The following RTTN variants were observed in gnomAD, a reference collection of about 807,000 sequenced individuals.
RTTN encodes rotatin.
Under a neutral mutation model 269.2 loss-of-function variants are expected in RTTN, and 182 were observed. That is an observed-to-expected ratio of 0.68 (90% CI 0.60 to 0.76). The LOEUF is 0.76. Ranked by LOEUF, RTTN falls within the 30% of genes least tolerant of loss-of-function variation. The probability of loss-of-function intolerance (pLI) is 0.00; values close to 1 mark genes in which losing one functional copy is unlikely to be tolerated. For missense variants in RTTN, 2,545 were observed against 2,608.6 expected, an observed-to-expected ratio of 0.98 and a Z score of 0.53; for synonymous variants, 1,006 against 963.5, an observed-to-expected ratio of 1.04 and a Z score of -0.82.
intron 11 of RTTN, among the ~76,000 whole-genome samples, chr18:70,173,220 C>T (rs116885586): frequency 0.021 from 3,187 of 152,158 alleles, 48 homozygotes; most frequent in Middle Eastern, 0.037. Flanking sequence ...TTGGGCCAGG[C>T]GCGGTGGCTC....
intron 31 of RTTN, among the ~76,000 whole-genome samples, 192 bp from the exon 32 acceptor site, chr18:70,086,876 CTTAGGTAATGACCTTG>C (rs547648403): frequency 3.2e-4 from 49 of 152,118 alleles, no homozygotes; most frequent in Non-Finnish European, 4.4e-4. Context: ...TGATGACCTT[CTTAGGTAATGACCTTG>C]TTAGGTAATG....
rs549377457 is a variant in RTTN, at chr18:70,144,143, G to A, written c.2481+1469C>T. ...ATTACAGGCAAGAGCCACTGTGCCC[G>A]GCCCCTCTCTTCTTAATATACATTT... On this transcript the variant is annotated intron_variant, in intron 18 of 48. Transcript: ENST00000640769. Among the ~76,000 whole-genome samples the A allele has an allele frequency of 1.2e-4, 19 of 152,220 alleles. No homozygotes were observed. In the East Asian group the frequency reaches 1.7e-3, roughly 14 times the overall value.
At position 70,201,907 on chromosome 18, in the gene RTTN, C is replaced by A. The variant is rs370788902; in HGVS notation, c.474G>T (p.Pro158=). 1 of 1,606,796 alleles carries A rather than the reference C, an allele frequency of 6.2e-7. No individual in the cohort carries two copies. Among genetic ancestry groups the A allele is most frequent in the African/African-American group, 1.3e-5 (1 of 74,754 alleles). ...ACATATACACACCCACTGGTCGTGGCGGCACTTCCATCTGCTGGAAATTAC... is the reference window on the plus strand; with the variant it reads ...ACATATACACACCCACTGGTCGTGGAGGCACTTCCATCTGCTGGAAATTAC... ...DKSNFQQMEV[P]PRPVVNQTVK... Residue 158 remains proline, a synonymous_variant, in exon 4 of 49, where the codon CCG becomes CCT. Transcript: ENST00000640769.
chr18:70,199,294 T>A (rs765450959), intron 5 of RTTN, 120 bp downstream of exon 5: 57 of 529,972 alleles, frequency 1.1e-4, no homozygotes, highest in Non-Finnish European at 1.7e-4. Context: ...CATTTAAATA[T>A]GACCATTACT....
At chr18:70,166,619 G>T (rs2060994157) in intron 13 of RTTN, 1 of 227,710 alleles carries the variant, frequency 4.4e-6, no homozygotes, top group Non-Finnish European at 8.4e-6. Flanking sequence ...AAACTTTAAA[G>T]ATAAATAAAC....
chr18:70,172,972 A>AAG (rs761028713), intron 11 of RTTN, among the ~76,000 whole-genome samples: 11 of 152,202 alleles, frequency 7.2e-5, no homozygotes, highest in Non-Finnish European at 1.6e-4. Context: ...TTCCTTTCTT[A>AAG]AGAGACTGGA....
chr18:70,143,806 G>C (rs1038946945), intron 18 of RTTN, among the ~76,000 whole-genome samples: 3 of 151,330 alleles, frequency 2.0e-5, no homozygotes, highest in African/African-American at 7.3e-5. Flanking sequence ...CAGTAGGTCA[G>C]GAAGGAACTT....
At chr18:70,187,037 T>G (rs1175863163) in intron 10 of RTTN, among the ~76,000 whole-genome samples, 1 of 152,182 alleles carries the variant, frequency 6.6e-6, no homozygotes, top group Non-Finnish European at 1.5e-5. Flanking sequence ...AAAAACAGCA[T>G]GCCCACTTAA....
chr18:70,060,382 AC>A lies in RTTN; in HGVS notation c.4748-341del, dbSNP rs757699454. Among the ~76,000 whole-genome samples, 587 of 152,258 alleles carry A rather than the reference AC, an allele frequency of 3.9e-3. 3 individuals are homozygous for A. The highest frequency in any genetic ancestry group is 6.6e-3 in the Non-Finnish European group (449 of 68,030). ...GATGATTTACAATCCTTTTTCTGAA[AC>A]TCGAGGGGCCAAAGGTGTGTCCAAA... On this transcript the variant is annotated intron_variant, in intron 35 of 48. Transcript: ENST00000640769.
chr18:70,166,078 C>G lies in RTTN; in HGVS notation c.1913G>C (p.Cys638Ser), dbSNP rs2145904954. The change falls in exon 14 of 49, where the codon TGT becomes TCT. Residue 638 changes from cysteine (C) to serine (S), a missense_variant. By Grantham distance (112) the Cys-to-Ser change is moderately radical (BLOSUM62 -1). Coordinates refer to ENST00000640769, the MANE Select transcript of RTTN (RefSeq NM_173630.4). ...PRVKAETYHC[C>S]LEITKECLGV... ...AAACCTCACCTTCGTGATTTCCAGA[C>G]AGCAGTGGTAAGTTTCAGCTTTCAC... 6.2e-7 allele frequency: 1 copy of G among 1,613,744 alleles called. No individual in the cohort carries two copies. The highest frequency in any genetic ancestry group is 2.2e-5 in the East Asian group (1 of 44,846).
At chr18:70,101,574 C>T (rs1171204699) in intron 28 of RTTN, among the ~76,000 whole-genome samples, 3 of 152,036 alleles carry the variant, frequency 2.0e-5, no homozygotes, top group Admixed American at 1.3e-4. Flanking sequence ...GTCTGTACCT[C>T]CTTCATTTCT....
At chr18:70,168,330 G>A (rs1294905586) in intron 12 of RTTN, among the ~76,000 whole-genome samples, 1 of 151,910 alleles carries the variant, frequency 6.6e-6, no homozygotes, top group East Asian at 1.9e-4. Flanking sequence ...TTTTAAAAGG[G>A]ATAAATACCG....
At chr18:70,103,924 T>C (rs2059250412) in intron 28 of RTTN, among the ~76,000 whole-genome samples, 1 of 152,200 alleles carries the variant, frequency 6.6e-6, no homozygotes. Flanking sequence ...CTTAATATTT[T>C]TTCTGTCATT....
chr18:70,143,325 G>A (rs2060307248), intron 18 of RTTN, among the ~76,000 whole-genome samples: 2 of 152,002 alleles, frequency 1.3e-5, no homozygotes, highest in African/African-American at 2.4e-5. Flanking sequence ...ATTCACAACA[G>A]CAAACACATG....
rs1392497357 is a variant in RTTN, at chr18:70,196,564, A to C, written c.778T>G (p.Cys260Gly). The C allele has an allele frequency of 1.2e-6, 2 of 1,613,364 alleles. No homozygotes were observed. The highest frequency in any genetic ancestry group is 1.7e-6 in the Non-Finnish European group (2 of 1,179,786). Reference protein sequence around the residue: ...LQSVSCLQQLCMYLRNRLNFH... With the variant: ...LQSVSCLQQLGMYLRNRLNFH... ...TTAAGTCTGTTTCTTAAATACATGC[A>C]CAGCTGCTGCAGGCAGGACACCGAC... Residue 260 changes from cysteine (C) to glycine (G), a missense_variant, in exon 7 of 49, where the codon TGC becomes GGC. Cys to Gly is a radical substitution (Grantham distance 159). Coordinates refer to ENST00000640769, the MANE Select transcript of RTTN (RefSeq NM_173630.4).
At chr18:70,079,337 T>C (rs892231916) in intron 32 of RTTN, among the ~76,000 whole-genome samples, 1 of 152,116 alleles carries the variant, frequency 6.6e-6, no homozygotes, top group Non-Finnish European at 1.5e-5. Flanking sequence ...AATTATTTTA[T>C]TTTTTATTTA....
chr18:70,162,440 A>G (rs1315509729), intron 14 of RTTN, among the ~76,000 whole-genome samples: 1 of 152,202 alleles, frequency 6.6e-6, no homozygotes, highest in Admixed American at 6.5e-5. Flanking sequence ...TACATAAGGA[A>G]AGAAGTTTAA....
intron 26 of RTTN, among the ~76,000 whole-genome samples, chr18:70,119,280 G>C (rs1183847450): frequency 6.7e-6 from 1 of 150,184 alleles, no homozygotes; most frequent in African/African-American, 2.4e-5. Flanking sequence ...TTTCTATACA[G>C]TAACCGCGCC....
Position 70,075,637 on chromosome 18 carries a change from C to T in RTTN, c.4375-96G>A, listed in dbSNP as rs1463508103. The stretch of plus-strand genomic sequence containing the variant: ...CTCCTCTCGAGGAAACAAATGGGTC[C>T]CAGATGCTCCCATCTCCTTCCACTC... On this transcript the variant is annotated intron_variant, in intron 32 of 48. Coordinates refer to ENST00000640769, the MANE Select transcript of RTTN (RefSeq NM_173630.4). 4.5e-6 allele frequency: 4 copies of T among 889,128 alleles called. No homozygotes were observed. The African/African-American group carries it at 7.0e-5, about 16-fold the overall frequency. 55.1% of individuals were successfully genotyped at this position (889,128 alleles called of 1,614,324 possible). A position where few individuals can be genotyped will look rare whatever the true frequency, so the allele number is the denominator to read the frequency against.
Sources: allele counts gnomAD v4.1 joint callset (sites outside exome capture counted in the v4.1 genomes callset), GRCh38; gene constraint gnomAD v4.1.1; transcripts MANE v1.5; gene names NCBI Gene and HGNC (gene_info 2026-07-23, HGNC 2026-07-21).